The following PAPOLG variants were observed in gnomAD, a reference collection of about 807,000 sequenced individuals.
PAPOLG encodes PAP-gamma.
A neutral mutation model predicts 99.0 loss-of-function variants in PAPOLG; 40 were observed. That is an observed-to-expected ratio of 0.40 (90% confidence interval 0.31 to 0.53). The LOEUF is 0.53. Among genes scored for constraint, PAPOLG ranks in the 20% least tolerant of loss-of-function variants. The pLI, the probability that PAPOLG is intolerant of heterozygous loss-of-function variation, is 0.41. For missense variants in PAPOLG, 675 were observed against 884.1 expected (o/e 0.76, Z 3.00); for synonymous variants, 310 against 299.3 (o/e 1.04, Z -0.37).
At chr2:60,765,224 A>T (rs2103765579) in intron 3 of PAPOLG, among the ~76,000 whole-genome samples, 1 of 143,038 alleles carries the variant, frequency 7.0e-6, no homozygotes, top group Middle Eastern at 3.6e-3. Context: ...ACACATCCTG[A>T]TGCCTAGCTA....
intron 10 of PAPOLG, among the ~76,000 whole-genome samples, chr2:60,781,323 C>G (rs1671183223): frequency 6.6e-6 from 1 of 151,846 alleles, no homozygotes; most frequent in Admixed American, 6.6e-5. Flanking sequence ...TGCCACTGCA[C>G]TCCAGCCTGG....
chr2:60,789,273 C>A (rs1050408290), intron 15 of PAPOLG, among the ~76,000 whole-genome samples: 1 of 151,652 alleles, frequency 6.6e-6, no homozygotes, highest in Non-Finnish European at 1.5e-5. Context: ...CACATGTATA[C>A]ATATGTAACT....
At chr2:60,770,845 A>G (rs1034759046) in intron 6 of PAPOLG, among the ~76,000 whole-genome samples, 4 of 152,140 alleles carry the variant, frequency 2.6e-5, no homozygotes, top group Admixed American at 1.3e-4. Flanking sequence ...GGATGGTCTC[A>G]ATCTCCTGAC....
chr2:60,765,390 C>CTTT (rs397743711), intron 3 of PAPOLG, among the ~76,000 whole-genome samples: 26 of 132,474 alleles, frequency 2.0e-4, no homozygotes, highest in African/African-American at 7.0e-4. Context: ...CTATAATTCT[C>CTTT]TTTTTTTTTT....
intron 6 of PAPOLG, 86 bp downstream of exon 6, chr2:60,770,597 C>T: frequency 1.2e-6 from 1 of 808,626 alleles, no homozygotes; most frequent in African/African-American, 1.8e-5. Context: ...AACATAAATG[C>T]ATATTTTAAA....
chr2:60,765,213 T>C lies in PAPOLG; in HGVS notation c.247-3257T>C, dbSNP rs143394042. 2.9e-3 allele frequency among the ~76,000 whole-genome samples: 441 copies of C among 149,766 alleles called. 3 individuals carry two copies. The highest frequency in any genetic ancestry group is 4.8e-3 in the Non-Finnish European group (324 of 67,626). On this transcript the variant is annotated intron_variant, in intron 3 of 21. Transcript: ENST00000238714. The stretch of plus-strand genomic sequence containing the variant: ...CCCCCCAAGTAGCAGAGGCTACAGG[T>C]ACACATCCTGATGCCTAGCTACTTT...
intron 3 of PAPOLG, among the ~76,000 whole-genome samples, chr2:60,762,867 T>C (rs1670561196): frequency 6.6e-6 from 1 of 152,094 alleles, no homozygotes; most frequent in Admixed American, 6.5e-5. Context: ...TCTCAGGTGA[T>C]CCGCCTGCCT....
intron 9 of PAPOLG, 63 bp from the exon 10 acceptor site, chr2:60,780,644 T>C (rs1671160046): frequency 2.0e-6 from 3 of 1,483,044 alleles, no homozygotes; most frequent in East Asian, 2.3e-5. Context: ...CTAATAATTA[T>C]AAAGTTTCAT....
intron 21 of PAPOLG, among the ~76,000 whole-genome samples, chr2:60,796,208 C>CTTTTTTTT (rs66526788): frequency 1.8e-5 from 2 of 110,316 alleles, no homozygotes; most frequent in Non-Finnish European, 3.8e-5. Flanking sequence ...TTTTGCCTTC[C>CTTTTTTTT]TTTTTTTTTT....
At chr2:60,769,879 CT>C (rs1670797100) in intron 5 of PAPOLG, among the ~76,000 whole-genome samples, 2 of 152,206 alleles carry the variant, frequency 1.3e-5, no homozygotes, top group South Asian at 4.2e-4. Flanking sequence ...GTTTTAAGAT[CT>C]GCATGCATTA....
At chr2:60,790,652 C>T (rs937625676) in intron 15 of PAPOLG, among the ~76,000 whole-genome samples, 3 of 152,172 alleles carry the variant, frequency 2.0e-5, no homozygotes, top group African/African-American at 7.2e-5. Context: ...GTTTAGCCTC[C>T]TTTTCTCAAC....
In PAPOLG at chr2:60,768,869, A is replaced by C; in HGVS notation, c.417A>C (p.Gln139His). The change falls in exon 5 of 22, where the codon CAA (glutamine) becomes CAC (histidine). Residue 139 changes from glutamine (Q) to histidine (H), a missense_variant. Physicochemically the swap from Gln to His is conservative, Grantham distance 24 (BLOSUM62 0). This residue lies in a region of PAPOLG where 149 missense variants were observed against 192.1 expected (regional missense o/e 0.78). Coordinates refer to ENST00000238714, the MANE Select transcript of PAPOLG (RefSeq NM_022894.4). Reference protein sequence around the residue: ...FQSFFEKLKHQDGIRNLRAVE... With the variant: ...FQSFFEKLKHHDGIRNLRAVE... ...CTTTTTTTGAAAAATTGAAACATCAAGATGGCATTAGAAACTTAAGAGTAA... is the reference window on the plus strand; with the variant it reads ...CTTTTTTTGAAAAATTGAAACATCACGATGGCATTAGAAACTTAAGAGTAA... 1 of 1,595,184 alleles carries C rather than the reference A, an allele frequency of 6.3e-7. No individual in the cohort carries two copies. Among genetic ancestry groups the C allele is most frequent in the East Asian group, 2.2e-5 (1 of 44,606 alleles).
At chr2:60,775,151 C>G in intron 8 of PAPOLG, 28 bp downstream of exon 8, 5 of 1,582,536 alleles carry the variant, frequency 3.2e-6, no homozygotes, top group Non-Finnish European at 4.3e-6. Context: ...TTTATGTTTG[C>G]ATTATAAAAT....
intron 3 of PAPOLG, among the ~76,000 whole-genome samples, chr2:60,767,690 G>A (rs1011278401): frequency 2.6e-5 from 4 of 152,194 alleles, no homozygotes; most frequent in African/African-American, 9.7e-5. Flanking sequence ...GAATGACTCC[G>A]TTCTTACAGA....
At chr2:60,771,424 TA>T in intron 6 of PAPOLG, 94 bp from the exon 7 acceptor site, 2 of 1,418,612 alleles carry the variant, frequency 1.4e-6, no homozygotes, top group Non-Finnish European at 9.2e-7. Context: ...CCCAAACTCA[TA>T]ACCAGAGCTT....
At chr2:60,785,603 C>T (rs1573247020) in intron 13 of PAPOLG, among the ~76,000 whole-genome samples, 1 of 151,900 alleles carries the variant, frequency 6.6e-6, no homozygotes, top group East Asian at 1.9e-4. Context: ...CATACTGCAA[C>T]CTCAAACTCC....
chr2:60,792,430 T>C (rs975861436), intron 17 of PAPOLG, 141 bp downstream of exon 17: 1 of 833,776 alleles, frequency 1.2e-6, no homozygotes. Flanking sequence ...AATTTCTTGC[T>C]TAGAAATAAC....
rs1670970575 is a variant in PAPOLG at position 60,774,887 on chromosome 2, A to G, written c.605-147A>G. ...CCCTAAAGCAAACTGATTTCTCATA[A>G]GTGGTAAATTTCATACACATAAAAT... On this transcript the variant is annotated intron_variant, in intron 7 of 21. Transcript: ENST00000238714. 8.1e-6 allele frequency: 11 copies of G among 1,362,148 alleles called. No individual in the cohort carries two copies. The Admixed American group carries it at 2.2e-4, about 27-fold the overall frequency. 84.4% of individuals were successfully genotyped at this position (1,362,148 alleles called of 1,614,324 possible). A position where few individuals can be genotyped will look rare whatever the true frequency, so the allele number is the denominator to read the frequency against.
chr2:60,783,867 A>C (rs1049093449), intron 13 of PAPOLG, among the ~76,000 whole-genome samples: 2 of 152,218 alleles, frequency 1.3e-5, no homozygotes, highest in Admixed American at 1.3e-4. Context: ...TGAGCAAAAG[A>C]CACATGTATA....
Sources: allele counts gnomAD v4.1 joint callset (sites outside exome capture counted in the v4.1 genomes callset), GRCh38; gene constraint gnomAD v4.1.1; regional missense constraint gnomAD v4.1.1; transcripts MANE v1.5; gene names NCBI Gene and HGNC (gene_info 2026-07-23, HGNC 2026-07-21).